KANK1: variants seen among roughly 807,000 people sequenced by gnomAD.
The protein encoded by KANK1 is KN motif and ankyrin repeat domain-containing protein 1.
A neutral mutation model predicts 106.2 loss-of-function variants in KANK1; 109 were observed. The observed-to-expected ratio is 1.03, with a 90% CI of 0.88 to 1.20. The LOEUF (loss-of-function observed/expected upper bound fraction) is 1.20. Ranked by LOEUF, KANK1 falls within the 50% of genes most tolerant of loss-of-function variation. KANK1 has a pLI of 0.00. For missense variants in KANK1, 2,399 were observed against 1,710.7 expected, an observed-to-expected ratio of 1.40 and a Z score of -7.10; for synonymous variants, 873 against 652.2, an observed-to-expected ratio of 1.34 and a Z score of -5.16.
At position 712,051 on chromosome 9, in the gene KANK1, A is replaced by C. The variant is rs1260620961; in HGVS notation, c.1285A>C (p.Thr429Pro). Residue 429 changes from threonine (T) to proline (P), a missense_variant, in exon 3 of 12, where the codon ACA (threonine) becomes CCA (proline). Transcript: ENST00000382297. ...SRSCKDAAVG[T>P]LVEMRNCGVS... ...GTCCTGTAAGGATGCAGCTGTAGGG[A>C]CACTTGTTGAGATGAGAAATTGTGG... 6.2e-7 allele frequency: 1 copy of C among 1,613,948 alleles called. No homozygotes were observed. Among genetic ancestry groups the C allele is most frequent in the Non-Finnish European group, 8.5e-7 (1 of 1,180,022 alleles).
At chr9:532,161 A>G (rs2060085787) in intron 1 of KANK1, among the ~76,000 whole-genome samples, 1 of 152,004 alleles carries the variant, frequency 6.6e-6, no homozygotes, top group Admixed American at 6.6e-5. Flanking sequence ...ACTTAGGCAT[A>G]ACGGTGAACA....
In KANK1 at chr9:697,076, CTGTGTGTG is replaced by C. The variant is rs3028272; in HGVS notation, c.38-13706_38-13699del. 1.1e-4 allele frequency among the ~76,000 whole-genome samples: 17 copies of C among 151,084 alleles called. No individual in the cohort carries two copies. In the East Asian group the frequency reaches 2.3e-3, roughly 21 times the overall value. ...TAACATTTTACCGTATTTGTTCCAT[CTGTGTGTG>C]TGTGTGTGTGTGTGTGTGTGTCTGT... On this transcript the variant is annotated intron_variant, in intron 2 of 11. Transcript: ENST00000382297.
At position 732,618 on chromosome 9, in the gene KANK1, G is replaced by T. The variant is rs772959931; in HGVS notation, c.3245+1G>T. 5.0e-6 allele frequency: 8 copies of T among 1,613,306 alleles called. No individual in the cohort carries two copies. Among genetic ancestry groups the T allele is most frequent in the Non-Finnish European group, 6.8e-6 (8 of 1,179,354 alleles). On this transcript the variant is annotated splice_donor_variant, in intron 6 of 11. Coordinates refer to ENST00000382297, the MANE Select transcript of KANK1 (RefSeq NM_015158.5). LOFTEE classifies it high-confidence loss of function. ...CTGAGAAGGTGGAAATCAGAGAGAG[G>T]TGTGGTACATTCCCCTTCCCTCCCT...
chr9:738,152 T>C (rs1834286876), intron 7 of KANK1, 133 bp from the exon 8 acceptor site: 2 of 676,306 alleles, frequency 3.0e-6, no homozygotes, highest in Non-Finnish European at 5.0e-6. Flanking sequence ...CTCTTAGGGC[T>C]GTTGGTTTTT....
At chr9:496,321 A>T (rs879355500) in intron 3 of KANK1, among the ~76,000 whole-genome samples, 4 of 152,210 alleles carry the variant, frequency 2.6e-5, no homozygotes, top group Admixed American at 6.5e-5. Context: ...TAGGAGGCCG[A>T]GGCGAGCGGA....
intron 1 of KANK1, among the ~76,000 whole-genome samples, chr9:607,964 TTATC>T (rs1563851142): frequency 1.3e-5 from 2 of 151,182 alleles, no homozygotes; most frequent in South Asian, 2.1e-4. Context: ...TGTGTATAAT[TTATC>T]TAGTACCATG....
Position 711,383 on chromosome 9 carries a change from A to G in KANK1, c.617A>G (p.Asn206Ser), listed in dbSNP as rs377574279. ...LPSFVGSGNHNPAKHQLQNGY... is the reference protein window; with the variant it reads ...LPSFVGSGNHSPAKHQLQNGY... Reference sequence around the variant, plus strand: ...TCTTTTGTGGGTTCTGGAAACCACAATCCTGCCAAGCACCAGCTTCAGAAT... The same window carrying G: ...TCTTTTGTGGGTTCTGGAAACCACAGTCCTGCCAAGCACCAGCTTCAGAAT... Residue 206 changes from asparagine to serine, a missense_variant, in exon 3 of 12, where the codon AAT becomes AGT. Physicochemically the swap from Asn to Ser is conservative, Grantham distance 46. Transcript: ENST00000382297. 78 of 1,614,000 alleles carry G rather than the reference A, an allele frequency of 4.8e-5. No homozygotes were observed. Among genetic ancestry groups the G allele is most frequent in the Admixed American group, 1.2e-4 (7 of 59,990 alleles).
At chr9:478,105 GC>G in intron 3 of KANK1, 1 of 214,926 alleles carries the variant, frequency 4.7e-6, no homozygotes. Flanking sequence ...GAGCATCAAA[GC>G]CCTCAAGGAA....
chr9:651,672 A>G (rs1196631956), intron 1 of KANK1, among the ~76,000 whole-genome samples: 2 of 152,182 alleles, frequency 1.3e-5, no homozygotes, highest in African/African-American at 4.8e-5. Context: ...CTCTATTTTG[A>G]TTAATTGTTT....
intron 1 of KANK1, among the ~76,000 whole-genome samples, chr9:553,916 A>G (rs1018415773): frequency 5.3e-5 from 8 of 152,230 alleles, no homozygotes; most frequent in African/African-American, 1.7e-4. Flanking sequence ...GTGGTTCTCA[A>G]ACTTTAGCGT....
chr9:639,418 G>A (rs1309177860), intron 1 of KANK1, among the ~76,000 whole-genome samples: 1 of 152,090 alleles, frequency 6.6e-6, no homozygotes, highest in Non-Finnish European at 1.5e-5. Context: ...CCTGGCTCAA[G>A]GGATTCTTTT....
At chr9:734,541 C>A (rs990125031) in intron 6 of KANK1, 2 of 445,740 alleles carry the variant, frequency 4.5e-6, no homozygotes, top group Non-Finnish European at 8.3e-6. Flanking sequence ...TGGTGCACAC[C>A]TGTAGTCCCA....
intron 1 of KANK1, among the ~76,000 whole-genome samples, chr9:565,565 C>A (rs73373036): frequency 3.3e-5 from 5 of 152,154 alleles, no homozygotes; most frequent in Non-Finnish European, 7.3e-5. Flanking sequence ...GTTCGGTGGA[C>A]AGGGGACTAT....
chr9:604,771 A>G (rs1216145653), intron 1 of KANK1, among the ~76,000 whole-genome samples: 1 of 151,912 alleles, frequency 6.6e-6, no homozygotes, highest in Admixed American at 6.5e-5. Context: ...TGGAGGTTAC[A>G]GTGAGCCAAG....
intron 4 of KANK1, 154 bp downstream of exon 4, chr9:730,402 A>T (rs1319209907): frequency 2.4e-6 from 2 of 835,310 alleles, no homozygotes; most frequent in Non-Finnish European, 3.7e-6. Flanking sequence ...AAATAAGGTT[A>T]CCAAAGAGGC....
chr9:726,428 C>G (rs1423384499), intron 3 of KANK1, among the ~76,000 whole-genome samples: 2 of 152,090 alleles, frequency 1.3e-5, no homozygotes, highest in East Asian at 3.9e-4. Flanking sequence ...CACCTGAGGT[C>G]AGGAGTTCGA....
upstream of KANK1, among the ~76,000 whole-genome samples, chr9:500,640 G>T (rs1484923588): frequency 6.6e-6 from 1 of 152,232 alleles, no homozygotes; most frequent in African/African-American, 2.4e-5. Context: ...TTTAACATAT[G>T]AAGGTGATTT....
rs542204584 is a variant in KANK1 at position 580,648 on chromosome 9, C to G, written c.-84+75894C>G. Among the ~76,000 whole-genome samples the G allele has an allele frequency of 9.2e-5, 14 of 152,356 alleles. No individual in the cohort carries two copies. In the South Asian group the frequency reaches 2.7e-3, roughly 29 times the overall value. Reference sequence around the variant, plus strand: ...GTGCTGATTGGTGTATTTACAATCCCTTAGCTAGACATAAAGGTTCTCCAA... The same window carrying G: ...GTGCTGATTGGTGTATTTACAATCCGTTAGCTAGACATAAAGGTTCTCCAA... On this transcript the variant is annotated intron_variant, in intron 1 of 11. Coordinates refer to ENST00000382297, the MANE Select transcript of KANK1 (RefSeq NM_015158.5).
intron 3 of KANK1, among the ~76,000 whole-genome samples, chr9:481,856 A>AG (rs5895848): frequency 0.11 from 16,009 of 151,998 alleles, 1,379 homozygotes; most frequent in East Asian, 0.48. Context: ...AAAAAAAAAA[A>AG]TAAAGGATGA....
Sources: gnomAD v4.1 joint callset for allele counts (sites outside exome capture counted in the v4.1 genomes callset) on GRCh38, gnomAD v4.1.1 for gene constraint, MANE v1.5 for transcripts, NCBI Gene and HGNC (gene_info 2026-07-23, HGNC 2026-07-21) for gene names.